Variants in RBFOX1 observed in about 807,000 individuals in gnomAD.
The protein encoded by RBFOX1 is RNA binding protein fox-1 homolog 1.
In RBFOX1, 8 loss-of-function variants were observed where a neutral mutation model predicts 57.7. The observed-to-expected ratio is 0.14, with a 90% CI of 0.08 to 0.25. The LOEUF (loss-of-function observed/expected upper bound fraction) is 0.25. Among genes scored for constraint, RBFOX1 ranks in the 10% least tolerant of loss-of-function variants. The pLI is 1.00. For synonymous variants in RBFOX1, 326 were observed against 222.4 expected (o/e 1.47, Z -4.15); for missense variants, 611 against 548.5 (o/e 1.11, Z -1.14).
At chr16:5,790,967 C>T (rs545044494) in intron 3 of RBFOX1, among the ~76,000 whole-genome samples, 23 of 149,804 alleles carry the variant, frequency 1.5e-4, no homozygotes, top group African/African-American at 5.6e-4. Flanking sequence ...TTTCTGGGTT[C>T]AAGTGATTCT....
intron 4 of RBFOX1, among the ~76,000 whole-genome samples, chr16:7,113,165 A>G (rs938801719): frequency 6.6e-6 from 1 of 152,212 alleles, no homozygotes; most frequent in African/African-American, 2.4e-5. Flanking sequence ...TGTCAACTAA[A>G]TAAATACACA....
intron 3 of RBFOX1, among the ~76,000 whole-genome samples, chr16:6,752,941 T>A (rs1023347706): frequency 3.3e-5 from 5 of 152,176 alleles, no homozygotes; most frequent in African/African-American, 1.2e-4. Flanking sequence ...GGTGTGAATA[T>A]GTAATAATTG....
intron 1 of RBFOX1, among the ~76,000 whole-genome samples, chr16:6,300,533 T>C (rs1354960678): frequency 6.6e-6 from 1 of 152,198 alleles, no homozygotes. Context: ...GTGGTACATA[T>C]AAAGTATTTA....
chr16:6,617,270 T>C (rs1181559477), intron 2 of RBFOX1, among the ~76,000 whole-genome samples: 1 of 151,644 alleles, frequency 6.6e-6, no homozygotes, highest in African/African-American at 2.4e-5. Context: ...TTGTCTAGAG[T>C]GTGAAGGAAA....
chr16:5,714,939 T>C (rs913601458), intron 3 of RBFOX1, among the ~76,000 whole-genome samples: 11 of 152,332 alleles, frequency 7.2e-5, no homozygotes, highest in South Asian at 4.1e-4. Flanking sequence ...GAAATATCTG[T>C]TGGATGAATG....
intron 1 of RBFOX1, among the ~76,000 whole-genome samples, chr16:5,281,344 C>T (rs1355438773): frequency 6.6e-6 from 1 of 152,140 alleles, no homozygotes; most frequent in East Asian, 1.9e-4. Context: ...TGTGTCCTAG[C>T]ATATGGTCTA....
At chr16:5,252,605 G>A (rs1009665054) in intron 1 of RBFOX1, among the ~76,000 whole-genome samples, 3 of 152,132 alleles carry the variant, frequency 2.0e-5, no homozygotes, top group African/African-American at 7.2e-5. Context: ...TCAGCCCCAG[G>A]GGCCTGGGCA....
At chr16:7,169,794 G>T (rs187354478) in intron 4 of RBFOX1, among the ~76,000 whole-genome samples, 141 of 147,470 alleles carry the variant, frequency 9.6e-4, no homozygotes, top group African/African-American at 3.3e-3. Context: ...TAATTGCAGG[G>T]TGCAGTGGCT....
chr16:5,935,002 G>C (rs532484507), intron 4 of RBFOX1, among the ~76,000 whole-genome samples: 14 of 152,300 alleles, frequency 9.2e-5, no homozygotes, highest in Non-Finnish European at 1.9e-4. Context: ...TGCATCTGCA[G>C]AATATCGAAG....
chr16:6,505,472 C>G (rs1243861165), intron 2 of RBFOX1, among the ~76,000 whole-genome samples: 1 of 152,142 alleles, frequency 6.6e-6, no homozygotes, highest in African/African-American at 2.4e-5. Context: ...CAAATAAAAT[C>G]AGAATTGAAA....
At chr16:5,634,506 T>A (rs969045620) in intron 3 of RBFOX1, among the ~76,000 whole-genome samples, 1 of 151,398 alleles carries the variant, frequency 6.6e-6, no homozygotes, top group East Asian at 1.9e-4. Flanking sequence ...CTAAACATAT[T>A]TTTTTTTCAA....
At chr16:7,381,158 A>G (rs1240258316) in intron 4 of RBFOX1, among the ~76,000 whole-genome samples, 1 of 152,092 alleles carries the variant, frequency 6.6e-6, no homozygotes, top group Non-Finnish European at 1.5e-5. Flanking sequence ...AGATGCTTGA[A>G]CTTCTCCCAC....
At chr16:6,164,357 A>G (rs1173430327) in intron 1 of RBFOX1, among the ~76,000 whole-genome samples, 3 of 152,036 alleles carry the variant, frequency 2.0e-5, no homozygotes, top group Admixed American at 2.0e-4. Context: ...AAGTGATAGG[A>G]TTGTTCTTTG....
intron 1 of RBFOX1, among the ~76,000 whole-genome samples, chr16:6,252,608 G>GTGTTTTGTTTTGTTT (rs56211071): frequency 9.3e-5 from 14 of 150,218 alleles, no homozygotes; most frequent in African/African-American, 2.7e-4. Flanking sequence ...CCATGCCAAG[G>GTGTTTTGTTTTGTTT]TGTTTTGTTT....
At chr16:5,473,647 G>T (rs2069216372) in intron 2 of RBFOX1, among the ~76,000 whole-genome samples, 1 of 130,456 alleles carries the variant, frequency 7.7e-6, no homozygotes, top group Non-Finnish European at 1.6e-5. Flanking sequence ...GGGTGGGTGG[G>T]TGGATGGACA....
At chr16:5,651,016 C>G (rs2151361510) in intron 3 of RBFOX1, among the ~76,000 whole-genome samples, 1 of 144,142 alleles carries the variant, frequency 6.9e-6, no homozygotes, top group South Asian at 2.3e-4. Flanking sequence ...CTCTTCCCTT[C>G]CTCTGGGAGA....
chr16:6,634,915 TATATA>T (rs56808155), intron 2 of RBFOX1, among the ~76,000 whole-genome samples: 9,593 of 139,874 alleles, frequency 0.069, 389 homozygotes, highest in Non-Finnish European at 0.091. Flanking sequence ...TATTTTAATT[TATATA>T]ATATAATATA....
intron 3 of RBFOX1, among the ~76,000 whole-genome samples, chr16:6,918,688 G>A (rs536976752): frequency 5.3e-5 from 8 of 152,234 alleles, no homozygotes; most frequent in South Asian, 2.1e-4. Flanking sequence ...ATCTCTGGTC[G>A]TTTCAGAGAA....
rs74328008 is a variant in RBFOX1, at chr16:5,294,866, A to T, written c.219+54761A>T. Among the ~76,000 whole-genome samples, 1,076 of 151,160 alleles carry T rather than the reference A, an allele frequency of 7.1e-3. 15 individuals carry two copies. Among genetic ancestry groups the T allele is most frequent in the African/African-American group, 0.024 (987 of 41,378 alleles). ...GCCAACATGAGAAAACCCCATCTCT[A>T]CCAAAAATACGAAATTAGCTGGGTG... On this transcript the variant is annotated intron_variant, in intron 1 of 2. Coordinates refer to the RBFOX1 transcript ENST00000585867.
Sources: gnomAD v4.1 joint callset for allele counts (sites outside exome capture counted in the v4.1 genomes callset) on GRCh38, gnomAD v4.1.1 for gene constraint, MANE v1.5 for transcripts, NCBI Gene and HGNC (gene_info 2026-07-23, HGNC 2026-07-21) for gene names.